The following XIRP2 variants were observed in gnomAD, a reference collection of about 807,000 sequenced individuals.
The protein encoded by XIRP2 is xin actin-binding repeat-containing protein 2.
Under a neutral mutation model 277.0 loss-of-function variants are expected in XIRP2, and 236 were observed. The ratio of observed to expected loss-of-function variants is 0.85; its 90% confidence interval spans 0.77 to 0.95. The LOEUF (loss-of-function observed/expected upper bound fraction) is 0.95, where lower values mean the gene tolerates loss of function less well. XIRP2 is among the 40% of genes least tolerant of loss of function. The pLI, the probability that XIRP2 is intolerant of heterozygous loss-of-function variation, is 0.00. For missense variants in XIRP2, 4,640 were observed against 4,157.5 expected (o/e 1.12, Z -3.19); for synonymous variants, 1,490 against 1,416.5 (o/e 1.05, Z -1.17).
chr2:167,245,631 A>G lies in XIRP2; in HGVS notation c.4239A>G (p.Ile1413Met). 1.2e-6 allele frequency: 2 copies of G among 1,613,648 alleles called. No individual in the cohort carries two copies. The highest frequency in any genetic ancestry group is 1.7e-6 in the Non-Finnish European group (2 of 1,179,714). ...SHNIMPSIDH[I>M]QGGNVKTSRQ... Reference sequence around the variant, plus strand: ...ATATTATGCCCAGTATTGACCATATACAAGGTGGCAATGTAAAGACAAGTA... The same window carrying G: ...ATATTATGCCCAGTATTGACCATATGCAAGGTGGCAATGTAAAGACAAGTA... Residue 1413 changes from isoleucine (I) to methionine (M), a missense_variant, in exon 9 of 11, where the codon ATA (isoleucine) becomes ATG (methionine). By Grantham distance (10) the Ile-to-Met change is conservative. Coordinates refer to ENST00000409195, the MANE Select transcript of XIRP2 (RefSeq NM_152381.6).
intron 3 of XIRP2, among the ~76,000 whole-genome samples, chr2:167,206,696 T>C (rs1693864726): frequency 6.6e-6 from 1 of 152,194 alleles, no homozygotes; most frequent in Non-Finnish European, 1.5e-5. Flanking sequence ...CTCACACAAA[T>C]TTAAGCAATG....
intron 7 of XIRP2, among the ~76,000 whole-genome samples, chr2:167,241,294 C>A (rs1695057269): frequency 6.6e-6 from 1 of 151,706 alleles, no homozygotes; most frequent in Non-Finnish European, 1.5e-5. Context: ...ATGACTATAT[C>A]TTTATTTTGA....
chr2:167,035,514 T>C (rs1688486399), intron 2 of XIRP2, among the ~76,000 whole-genome samples: 1 of 152,176 alleles, frequency 6.6e-6, no homozygotes, highest in African/African-American at 2.4e-5. Context: ...TTGAGAGAGA[T>C]GATTTAGGGT....
intron 3 of XIRP2, among the ~76,000 whole-genome samples, chr2:167,153,265 C>T (rs115781591): frequency 0.04 from 6,147 of 151,898 alleles, 128 homozygotes; most frequent in Non-Finnish European, 0.05. Flanking sequence ...ATAGGCAAAC[C>T]CAAAATTAAA....
chr2:166,970,202 G>C lies in XIRP2; in HGVS notation c.408+66312G>C, dbSNP rs549691183. 2.1e-3 allele frequency among the ~76,000 whole-genome samples: 316 copies of C among 151,980 alleles called. 5 individuals are homozygous for C. Among genetic ancestry groups the C allele is most frequent in the Non-Finnish European group, 5.6e-4 (38 of 67,906 alleles). Reference sequence around the variant, plus strand: ...CTTAGTATTTTTACCCTTACTTTTTGATAACTATCTTTAGGATATGAAAAG... The same window carrying C: ...CTTAGTATTTTTACCCTTACTTTTTCATAACTATCTTTAGGATATGAAAAG... On this transcript the variant is annotated intron_variant, in intron 2 of 10. Transcript: ENST00000409195.
At chr2:167,225,068 C>G (rs1272696904) in intron 5 of XIRP2, among the ~76,000 whole-genome samples, 1 of 152,030 alleles carries the variant, frequency 6.6e-6, no homozygotes, top group East Asian at 1.9e-4. Flanking sequence ...TAAGGTGGAC[C>G]AAGAAAGAAA....
intron 3 of XIRP2, among the ~76,000 whole-genome samples, chr2:167,193,320 G>A (rs754504823): frequency 4.0e-4 from 61 of 152,166 alleles, no homozygotes; most frequent in African/African-American, 9.4e-4. Flanking sequence ...ACAGCTTCTT[G>A]ACTTTGTCCC....
chr2:167,113,134 G>A (rs1007603134), intron 2 of XIRP2, among the ~76,000 whole-genome samples: 4 of 152,228 alleles, frequency 2.6e-5, no homozygotes, highest in African/African-American at 7.2e-5. Flanking sequence ...GTTCTGTAAT[G>A]TAGAGAGTTC....
intron 2 of XIRP2, 83 bp downstream of exon 2, chr2:166,903,973 TC>T (rs1684454234): frequency 2.8e-6 from 4 of 1,436,768 alleles, no homozygotes; most frequent in South Asian, 2.7e-5. Context: ...ATGTAATCTT[TC>T]CCCCCGCCAG....
intron 3 of XIRP2, among the ~76,000 whole-genome samples, chr2:167,183,074 C>T (rs1026111926): frequency 1.3e-5 from 2 of 152,170 alleles, no homozygotes; most frequent in African/African-American, 4.8e-5. Flanking sequence ...AGAACACCTA[C>T]AAATAATGGA....
intron 1 of XIRP2, among the ~76,000 whole-genome samples, chr2:166,895,655 A>G (rs891645914): frequency 4.6e-5 from 7 of 152,180 alleles, no homozygotes; most frequent in African/African-American, 1.4e-4. Flanking sequence ...TCTTTTTAAA[A>G]TTAAATGAGT....
In XIRP2 at chr2:166,922,708, A is replaced by G. The variant is rs552357829; in HGVS notation, c.408+18818A>G. On this transcript the variant is annotated intron_variant, in intron 2 of 10. Coordinates refer to ENST00000409195, the MANE Select transcript of XIRP2 (RefSeq NM_152381.6). ...GCTAGAAATCCTGCAGCAAGCCGAGATCACACCACTGCACTCCAGCCTGGG... is the reference window on the plus strand; with the variant it reads ...GCTAGAAATCCTGCAGCAAGCCGAGGTCACACCACTGCACTCCAGCCTGGG... Among the ~76,000 whole-genome samples, 23 of 151,710 alleles carry G rather than the reference A, an allele frequency of 1.5e-4. No individual in the cohort carries two copies. In the South Asian group the frequency reaches 4.8e-3, roughly 32 times the overall value.
intron 2 of XIRP2, among the ~76,000 whole-genome samples, chr2:166,959,227 T>C (rs1686242917): frequency 1.3e-5 from 2 of 151,828 alleles, no homozygotes; most frequent in African/African-American, 4.8e-5. Context: ...ATGTCCCTGT[T>C]GTAAGAAGTA....
intron 5 of XIRP2, among the ~76,000 whole-genome samples, chr2:167,224,527 T>G (rs1444824918): frequency 6.6e-6 from 1 of 152,134 alleles, no homozygotes; most frequent in Non-Finnish European, 1.5e-5. Flanking sequence ...ATTACAGTCA[T>G]GAGCCACTGT....
chr2:167,036,933 C>G (rs1451459847), intron 2 of XIRP2, among the ~76,000 whole-genome samples: 1 of 152,136 alleles, frequency 6.6e-6, no homozygotes, highest in Non-Finnish European at 1.5e-5. Flanking sequence ...TCTTCATTCT[C>G]TCTTGCTGCC....
intron 2 of XIRP2, among the ~76,000 whole-genome samples, chr2:166,946,530 A>T (rs1012998690): frequency 3.3e-5 from 5 of 152,204 alleles, no homozygotes; most frequent in Admixed American, 1.3e-4. Flanking sequence ...AAACAACCAG[A>T]TATGTACCAG....
chr2:166,996,065 T>C (rs1663232902), intron 2 of XIRP2, among the ~76,000 whole-genome samples: 1 of 152,230 alleles, frequency 6.6e-6, no homozygotes, highest in African/African-American at 2.4e-5. Context: ...TATAAACGAC[T>C]ACTTAATGTC....
chr2:167,243,743 A>G lies in XIRP2; in HGVS notation c.2351A>G (p.Lys784Arg), dbSNP rs370427833. The change falls in exon 9 of 11, where the codon AAA (lysine) becomes AGA (arginine). Residue 784 changes from lysine to arginine, a missense_variant. Coordinates refer to ENST00000409195, the MANE Select transcript of XIRP2 (RefSeq NM_152381.6). ...ACACAGCCGTTGGACACAATTAACA[A>G]AGATATCACAGAAATTAAAGTTGTC... Reference protein sequence around the residue: ...FETQPLDTINKDITEIKVVRG... With the variant: ...FETQPLDTINRDITEIKVVRG... 7 of 1,613,970 alleles carry G rather than the reference A, an allele frequency of 4.3e-6. No individual in the cohort carries two copies. Among genetic ancestry groups the G allele is most frequent in the Non-Finnish European group, 5.9e-6 (7 of 1,179,992 alleles).
At chr2:166,921,821 C>G (rs1322321814) in intron 2 of XIRP2, among the ~76,000 whole-genome samples, 1 of 152,066 alleles carries the variant, frequency 6.6e-6, no homozygotes. Flanking sequence ...GAGCTGTACT[C>G]CTGCTCATCT....
Sources: gnomAD v4.1 joint callset for allele counts (sites outside exome capture counted in the v4.1 genomes callset) on GRCh38, gnomAD v4.1.1 for gene constraint, MANE v1.5 for transcripts, NCBI Gene and HGNC (gene_info 2026-07-23, HGNC 2026-07-21) for gene names.